NRXN1: variants seen among roughly 807,000 people sequenced by gnomAD.
NRXN1 encodes neurexin-1.
In NRXN1, 39 loss-of-function variants were observed where a neutral mutation model predicts 150.9. That is an observed-to-expected ratio of 0.26 (90% CI 0.20 to 0.34). The LOEUF is 0.34. NRXN1 is among the 10% of genes least tolerant of loss of function. The pLI, the probability that NRXN1 is intolerant of heterozygous loss-of-function variation, is 1.00. For synonymous variants in NRXN1, 924 were observed against 757.0 expected (o/e 1.22, Z -3.62); for missense variants, 1,815 against 1,949.9 (o/e 0.93, Z 1.30).
Position 50,683,096 on chromosome 2 carries a change from T to G in NRXN1, c.833-59481A>C, listed in dbSNP as rs988683366. Among the ~76,000 whole-genome samples, 4 of 152,110 alleles carry G rather than the reference T, an allele frequency of 2.6e-5. No individual in the cohort carries two copies. In the South Asian group the frequency reaches 8.3e-4, roughly 32 times the overall value. ...GCTGTGGACACAGACCATACTTATCTTGAAGGTCTCTATCCTGCAATCCTA... is the reference window on the plus strand; with the variant it reads ...GCTGTGGACACAGACCATACTTATCGTGAAGGTCTCTATCCTGCAATCCTA... On this transcript the variant is annotated intron_variant, in intron 5 of 22. Coordinates refer to ENST00000401669, the MANE Select transcript of NRXN1 (RefSeq NM_001330078.2).
At chr2:50,062,333 C>T (rs1237188945) in intron 19 of NRXN1, among the ~76,000 whole-genome samples, 1 of 152,058 alleles carries the variant, frequency 6.6e-6, no homozygotes, top group Non-Finnish European at 1.5e-5. Context: ...CCCTTCCCTC[C>T]TTCTGTGATA....
At position 50,769,328 on chromosome 2, in the gene NRXN1, C is replaced by T. The variant is rs1388359828; in HGVS notation, c.833-145713G>A. ...ATCCAACTCAATCACAGACATTCCC[C>T]TAATCTCCAGCAAAGAAACCTGCTG... On this transcript the variant is annotated intron_variant, in intron 5 of 22. Transcript: ENST00000401669. 2.6e-5 allele frequency among the ~76,000 whole-genome samples: 4 copies of T among 152,186 alleles called. 1 individual carries two copies. The highest frequency in any genetic ancestry group is 5.9e-5 in the Non-Finnish European group (4 of 67,988).
At chr2:50,024,560 G>A (rs1014835672) in intron 21 of NRXN1, among the ~76,000 whole-genome samples, 5 of 152,072 alleles carry the variant, frequency 3.3e-5, no homozygotes, top group African/African-American at 1.2e-4. Flanking sequence ...ATTAAAGTTT[G>A]AGTGCAGAGA....
intron 21 of NRXN1, chr2:49,972,587 A>T (rs1678147476): frequency 6.6e-6 from 1 of 152,204 alleles, no homozygotes; most frequent in African/African-American, 2.4e-5. Flanking sequence ...AAATAATACA[A>T]TAGCCTACTG....
chr2:50,432,674 T>A (rs2085075179), intron 17 of NRXN1, among the ~76,000 whole-genome samples: 1 of 152,176 alleles, frequency 6.6e-6, no homozygotes, highest in Non-Finnish European at 1.5e-5. Flanking sequence ...TGAACCACTT[T>A]CCTTTCATGT....
intron 2 of NRXN1, among the ~76,000 whole-genome samples, chr2:50,974,876 C>A (rs1254520405): frequency 6.6e-6 from 1 of 152,062 alleles, no homozygotes; most frequent in Non-Finnish European, 1.5e-5. Flanking sequence ...TGTTCCCTTA[C>A]TATATAAAAT....
chr2:50,745,925 A>G (rs985304804), intron 5 of NRXN1, among the ~76,000 whole-genome samples: 5 of 152,090 alleles, frequency 3.3e-5, no homozygotes, highest in Non-Finnish European at 7.4e-5. Flanking sequence ...AAACCATATC[A>G]GGTGGAAATT....
At chr2:50,091,554 G>A (rs1699579858) in intron 18 of NRXN1, 60 bp from the exon 19 acceptor site, 2 of 1,534,822 alleles carry the variant, frequency 1.3e-6, no homozygotes, top group African/African-American at 2.7e-5. Context: ...ATTTAATAAA[G>A]ATTACATACA....
intron 17 of NRXN1, among the ~76,000 whole-genome samples, chr2:50,352,445 A>G (rs1214602751): frequency 1.3e-5 from 2 of 152,116 alleles, no homozygotes; most frequent in Non-Finnish European, 2.9e-5. Flanking sequence ...AAAAGTAGAC[A>G]CTAAAATCAG....
chr2:50,632,366 G>C (rs1573892321), intron 5 of NRXN1: 1 of 152,092 alleles, frequency 6.6e-6, no homozygotes, highest in Admixed American at 6.6e-5. Context: ...ATCTTGGAAG[G>C]CAAGAGCAGA....
At chr2:50,360,563 C>T (rs926577000) in intron 17 of NRXN1, among the ~76,000 whole-genome samples, 2 of 152,186 alleles carry the variant, frequency 1.3e-5, no homozygotes, top group African/African-American at 4.8e-5. Context: ...GAACAGCTAA[C>T]TATCCTAAAT....
chr2:50,709,162 G>C (rs1483690213), intron 5 of NRXN1, among the ~76,000 whole-genome samples: 3 of 152,116 alleles, frequency 2.0e-5, no homozygotes, highest in African/African-American at 7.2e-5. Context: ...GAGCTTACTT[G>C]TTGAGGAATG....
intron 21 of NRXN1, among the ~76,000 whole-genome samples, chr2:49,945,587 T>C (rs184092782): frequency 6.6e-6 from 1 of 152,206 alleles, no homozygotes; most frequent in Non-Finnish European, 1.5e-5. Context: ...CCTGCCTGTG[T>C]CCATGTGTTC....
intron 2 of NRXN1, among the ~76,000 whole-genome samples, chr2:50,980,244 C>T (rs1390123917): frequency 6.6e-6 from 1 of 152,100 alleles, no homozygotes; most frequent in Non-Finnish European, 1.5e-5. Flanking sequence ...GCTGAGACTA[C>T]AGGTGCACCC....
In NRXN1 at chr2:49,921,606, T is replaced by C; in HGVS notation, c.*338A>G. 4.4e-6 allele frequency: 1 copy of C among 228,320 alleles called. No individual in the cohort carries two copies. Among genetic ancestry groups the C allele is most frequent in the Non-Finnish European group, 8.6e-6 (1 of 115,874 alleles). The allele number at this position is 228,320 out of a possible 1,614,324, so 14.1% of individuals were successfully genotyped here. A position where few individuals can be genotyped will look rare whatever the true frequency, so the allele number is the denominator to read the frequency against. The stretch of plus-strand genomic sequence containing the variant: ...TTATGTTTTGTGTTGGTTTTTGTGT[T>C]GTGCCTTGATGCTGTAGTACTCCTT... On this transcript the variant is annotated 3_prime_UTR_variant, in exon 23 of 23. Transcript: ENST00000401669.
Position 50,803,832 on chromosome 2 carries a change from CACTTTTAACAT to C in NRXN1, c.832+118026_832+118036del, listed in dbSNP as rs574958461. Among the ~76,000 whole-genome samples the C allele has an allele frequency of 2.4e-3, 371 of 152,248 alleles. 3 individuals are homozygous for C. Among genetic ancestry groups the C allele is most frequent in the African/African-American group, 7.7e-3 (318 of 41,550 alleles). ...TAAGAATTATTTTCAAAAACAATAT[CACTTTTAACAT>C]ACTTCTGATTCTCTTGATGATAACC... On this transcript the variant is annotated intron_variant, in intron 5 of 22. Coordinates refer to ENST00000401669, the MANE Select transcript of NRXN1 (RefSeq NM_001330078.2).
intron 18 of NRXN1, among the ~76,000 whole-genome samples, chr2:50,209,227 CTCTCAGGTTGAGAGA>C (rs1413173115): frequency 6.6e-6 from 1 of 152,154 alleles, no homozygotes; most frequent in African/African-American, 2.4e-5. Flanking sequence ...AGTTTCACTT[CTCTCAGGTTGAGAGA>C]ATGAGTTAAC....
intron 9 of NRXN1, among the ~76,000 whole-genome samples, chr2:50,540,269 G>A (rs2093359179): frequency 6.6e-6 from 1 of 152,152 alleles, no homozygotes; most frequent in Non-Finnish European, 1.5e-5. Context: ...AAAGGACAAA[G>A]TATTCATTTT....
At chr2:50,699,923 C>T (rs929473238) in intron 5 of NRXN1, among the ~76,000 whole-genome samples, 7 of 152,138 alleles carry the variant, frequency 4.6e-5, no homozygotes, top group African/African-American at 1.7e-4. Context: ...ACACACAAAA[C>T]CACCAACTTC....
Sources: gnomAD v4.1 joint callset for allele counts (sites outside exome capture counted in the v4.1 genomes callset) on GRCh38, gnomAD v4.1.1 for gene constraint, MANE v1.5 for transcripts, NCBI Gene and HGNC (gene_info 2026-07-23, HGNC 2026-07-21) for gene names.